The following USH2A variants were observed in gnomAD, a reference collection of about 807,000 sequenced individuals.
The protein encoded by USH2A is usherin, also known as Usher syndrome 2A (autosomal recessive, mild).
USH2A carries 443 observed loss-of-function variants against 538.9 expected under a neutral mutation model. The observed-to-expected ratio is 0.82, with a 90% confidence interval of 0.76 to 0.89. The LOEUF (loss-of-function observed/expected upper bound fraction) is 0.89, where lower values mean the gene tolerates loss of function less well. Ranked by LOEUF, USH2A falls within the 40% of genes least tolerant of loss-of-function variation. The pLI is 0.00. For missense variants in USH2A, 6,633 were observed against 6,324.8 expected (o/e 1.05, Z -1.65); for synonymous variants, 2,413 against 2,273.5 (o/e 1.06, Z -1.75).
intron 32 of USH2A, among the ~76,000 whole-genome samples, chr1:216,044,753 A>G (rs2102523306): frequency 6.6e-6 from 1 of 152,286 alleles, no homozygotes; most frequent in East Asian, 1.9e-4. Flanking sequence ...GGTTAGTACC[A>G]AAGCCTCCGA....
intron 3 of USH2A, among the ~76,000 whole-genome samples, chr1:216,400,020 G>A (rs951242217): frequency 6.6e-6 from 1 of 152,018 alleles, no homozygotes; most frequent in African/African-American, 2.4e-5. Context: ...AAAATCACTT[G>A]TCATACTAAG....
chr1:215,687,336 A>G (rs967082652), intron 61 of USH2A, among the ~76,000 whole-genome samples: 1 of 151,936 alleles, frequency 6.6e-6, no homozygotes, highest in African/African-American at 2.4e-5. Flanking sequence ...CTCTACACTC[A>G]GAAAAGAAGA....
In USH2A at chr1:216,217,258, C is replaced by T; in HGVS notation, c.3157+129G>A. 1.3e-5 allele frequency: 15 copies of T among 1,172,558 alleles called. No individual in the cohort carries two copies. The Admixed American group carries it at 1.3e-4, about 10-fold the overall frequency. 72.6% of individuals were successfully genotyped at this position (1,172,558 alleles called of 1,614,324 possible). A position where few individuals can be genotyped will look rare whatever the true frequency, so the allele number is the denominator to read the frequency against. On this transcript the variant is annotated intron_variant, in intron 15 of 71. Coordinates refer to ENST00000307340, the MANE Select transcript of USH2A (RefSeq NM_206933.4). ...TTTCATTCAGTGTATTTTTTTCCATCTCTTACCTACGTTCTTCACATTGTA... is the reference window on the plus strand; with the variant it reads ...TTTCATTCAGTGTATTTTTTTCCATTTCTTACCTACGTTCTTCACATTGTA...
intron 61 of USH2A, among the ~76,000 whole-genome samples, chr1:215,724,085 TA>T (rs1266177616): frequency 1.3e-5 from 2 of 152,068 alleles, no homozygotes; most frequent in African/African-American, 2.4e-5. Context: ...TCTATATCTA[TA>T]TCTATATCTA....
At chr1:216,185,243 G>A (rs998682406) in intron 20 of USH2A, among the ~76,000 whole-genome samples, 5 of 151,982 alleles carry the variant, frequency 3.3e-5, no homozygotes, top group Admixed American at 3.3e-4. Flanking sequence ...TCAGTTCTCA[G>A]ACTTTGTCAC....
intron 56 of USH2A, among the ~76,000 whole-genome samples, chr1:215,764,674 T>C (rs1306231707): frequency 6.6e-6 from 1 of 152,164 alleles, no homozygotes; most frequent in African/African-American, 2.4e-5. Flanking sequence ...AAATATGAGA[T>C]CTTCAAATTA....
intron 50 of USH2A, among the ~76,000 whole-genome samples, chr1:215,797,266 T>C (rs1234344962): frequency 6.6e-6 from 1 of 152,164 alleles, no homozygotes; most frequent in Non-Finnish European, 1.5e-5. Context: ...AAAAAAGCCA[T>C]CTTCATAACA....
At chr1:215,924,438 T>A (rs1386586666) in intron 38 of USH2A, among the ~76,000 whole-genome samples, 1 of 152,092 alleles carries the variant, frequency 6.6e-6, no homozygotes, top group Non-Finnish European at 1.5e-5. Flanking sequence ...TATAGGCAGG[T>A]AAATGTTCAT....
At chr1:215,765,622 T>C (rs995973498) in intron 56 of USH2A, among the ~76,000 whole-genome samples, 1 of 152,194 alleles carries the variant, frequency 6.6e-6, no homozygotes, top group Non-Finnish European at 1.5e-5. Flanking sequence ...ATTTTTCTTT[T>C]GAAAGTAAAT....
intron 14 of USH2A, among the ~76,000 whole-genome samples, chr1:216,230,405 A>G (rs946038886): frequency 1.3e-5 from 2 of 152,208 alleles, no homozygotes; most frequent in African/African-American, 2.4e-5. Flanking sequence ...AAGAGTCACA[A>G]TGGTCTCAGA....
At chr1:216,039,896 A>G (rs2030189073) in intron 32 of USH2A, among the ~76,000 whole-genome samples, 1 of 152,000 alleles carries the variant, frequency 6.6e-6, no homozygotes. Context: ...CTTGGCAAAT[A>G]AGACCAAAAA....
chr1:216,356,412 G>T lies in USH2A; in HGVS notation c.784+8541C>A, dbSNP rs574225408. Among the ~76,000 whole-genome samples the T allele has an allele frequency of 3.3e-5, 5 of 151,834 alleles. No homozygotes were observed. The South Asian group carries it at 1.0e-3, about 32-fold the overall frequency. On this transcript the variant is annotated intron_variant, in intron 4 of 71. Transcript: ENST00000307340. ...TCTTATTATAAAATTATAGTTTACT[G>T]AAAAAAATTGCACAAAAAGAAATTT...
chr1:215,876,282 A>G (rs1460157200), intron 43 of USH2A, among the ~76,000 whole-genome samples: 1 of 152,174 alleles, frequency 6.6e-6, no homozygotes, highest in Non-Finnish European at 1.5e-5. Flanking sequence ...TGGCAGTTTC[A>G]TATAGTTCAT....
chr1:216,390,624 G>A (rs1428163945), intron 3 of USH2A, among the ~76,000 whole-genome samples: 1 of 152,062 alleles, frequency 6.6e-6, no homozygotes, highest in Non-Finnish European at 1.5e-5. Context: ...GAAATGGATA[G>A]TTTCAAACCT....
chr1:215,628,101 T>C (rs1285403155), intron 71 of USH2A, among the ~76,000 whole-genome samples: 1 of 152,198 alleles, frequency 6.6e-6, no homozygotes, highest in Non-Finnish European at 1.5e-5. Context: ...AAAGCAACCA[T>C]GTTCACCTGT....
chr1:215,730,352 A>G (rs1398157746), intron 60 of USH2A, among the ~76,000 whole-genome samples: 1 of 152,148 alleles, frequency 6.6e-6, no homozygotes, highest in African/African-American at 2.4e-5. Flanking sequence ...ATGGAATCCC[A>G]TTACTTCCCT....
intron 61 of USH2A, among the ~76,000 whole-genome samples, chr1:215,723,314 T>C (rs1659715925): frequency 6.6e-6 from 1 of 152,146 alleles, no homozygotes; most frequent in Non-Finnish European, 1.5e-5. Flanking sequence ...GCTGCTGCTG[T>C]TCCTGCCAAC....
At chr1:216,394,819 C>G (rs1228509463) in intron 3 of USH2A, among the ~76,000 whole-genome samples, 2 of 150,314 alleles carry the variant, frequency 1.3e-5, no homozygotes, top group African/African-American at 2.4e-5. Context: ...CCCGGGTTCA[C>G]GCCATTCTCC....
chr1:216,421,091 A>G (rs919588204), intron 2 of USH2A, among the ~76,000 whole-genome samples: 5 of 152,156 alleles, frequency 3.3e-5, no homozygotes, highest in African/African-American at 1.2e-4. Context: ...AAATATTTAG[A>G]AGAAACTCAT....
Sources: gnomAD v4.1 joint callset for allele counts (sites outside exome capture counted in the v4.1 genomes callset) on GRCh38, gnomAD v4.1.1 for gene constraint, MANE v1.5 for transcripts, NCBI Gene and HGNC (gene_info 2026-07-23, HGNC 2026-07-21) for gene names.